CRABP1: variants seen among roughly 807,000 people sequenced by gnomAD.
CRABP1 encodes the protein cellular retinoic acid-binding protein 1.
CRABP1 carries 9 observed loss-of-function variants against 16.4 expected under a neutral mutation model. That is an observed-to-expected ratio of 0.55 (90% CI 0.33 to 0.96). The LOEUF is 0.96. Among genes scored for constraint, CRABP1 ranks in the 40% least tolerant of loss-of-function variants. The pLI, the probability that CRABP1 is intolerant of heterozygous loss-of-function variation, is 0.03. For missense variants in CRABP1, 157 were observed against 186.0 expected, an observed-to-expected ratio of 0.84 and a Z score of 0.91; for synonymous variants, 72 against 70.4, an observed-to-expected ratio of 1.02 and a Z score of -0.11.
At chr15:78,346,214 G>A (rs2050264398) in intron 3 of CRABP1, among the ~76,000 whole-genome samples, 1 of 152,176 alleles carries the variant, frequency 6.6e-6, no homozygotes, top group Admixed American at 6.5e-5. Flanking sequence ...TGGTTCTGAG[G>A]CGTCCAGACA....
In CRABP1 at chr15:78,348,085, G is replaced by A. The variant is rs373890664; in HGVS notation, c.*108G>A. On this transcript the variant is annotated 3_prime_UTR_variant, in exon 4 of 4. Transcript: ENST00000299529. ...CGCCCTTTTCCCCTACCAATATTAG[G>A]TGATCCCGTTTTCCCCATGACAATG... The A allele has an allele frequency of 8.5e-6, 9 of 1,055,554 alleles. No homozygotes were observed. The African/African-American group carries it at 1.4e-4, about 17-fold the overall frequency. The allele number at this position is 1,055,554 out of a possible 1,614,324, so 65.4% of individuals were successfully genotyped here.
Position 78,340,383 on chromosome 15 carries a change from C to G in CRABP1, c.-46C>G, listed in dbSNP as rs1489562639. ...CCGCCTTGCGAGCTCAGAGTGTGCC[C>G]GCTGCGCCGCCGCTGTCCGTACCTG... On this transcript the variant is annotated 5_prime_UTR_variant, in exon 1 of 4. Transcript: ENST00000299529. 6.4e-7 allele frequency: 1 copy of G among 1,556,562 alleles called. No homozygotes were observed. Among genetic ancestry groups the G allele is most frequent in the South Asian group, 1.2e-5 (1 of 84,670 alleles).
intron 3 of CRABP1, 177 bp from the exon 4 acceptor site, chr15:78,347,750 G>A: frequency 1.6e-6 from 1 of 614,196 alleles, no homozygotes; most frequent in South Asian, 2.1e-5. Flanking sequence ...TTTACCAATA[G>A]CGCTTAAGGG....
At chr15:78,346,110 T>C (rs1381286669) in intron 3 of CRABP1, among the ~76,000 whole-genome samples, 2 of 152,156 alleles carry the variant, frequency 1.3e-5, no homozygotes, top group African/African-American at 4.8e-5. Flanking sequence ...CTAGTGAGAA[T>C]AGTTTCTCCA....
At chr15:78,346,997 T>G (rs913583161) in intron 3 of CRABP1, among the ~76,000 whole-genome samples, 5 of 151,084 alleles carry the variant, frequency 3.3e-5, no homozygotes, top group African/African-American at 9.7e-5. Flanking sequence ...GTTTTTGTTT[T>G]TTTTTTTTTT....
intron 2 of CRABP1, among the ~76,000 whole-genome samples, 173 bp from the exon 3 acceptor site, chr15:78,343,326 A>C (rs1371594834): frequency 6.6e-6 from 1 of 152,070 alleles, no homozygotes; most frequent in African/African-American, 2.4e-5. Context: ...AAAATCTGTG[A>C]CCAGCACTCT....
At position 78,343,398 on chromosome 15, in the gene CRABP1, G is replaced by A. The variant is rs1001343942; in HGVS notation, c.250-101G>A. The A allele has an allele frequency of 1.3e-4, 120 of 911,436 alleles. No individual in the cohort carries two copies. The African/African-American group carries it at 1.9e-3, about 15-fold the overall frequency. 56.5% of individuals were successfully genotyped at this position (911,436 alleles called of 1,614,324 possible). A position where few individuals can be genotyped will look rare whatever the true frequency, so the allele number is the denominator to read the frequency against. ...TGTGGCCTGCTGACAGGGACCATGT[G>A]TTGATTCTCTGCAGAGCAATTATTT... On this transcript the variant is annotated intron_variant, in intron 2 of 3. Transcript: ENST00000299529.
At chr15:78,345,987 G>C (rs1044741904) in intron 3 of CRABP1, among the ~76,000 whole-genome samples, 1 of 152,092 alleles carries the variant, frequency 6.6e-6, no homozygotes, top group African/African-American at 2.4e-5. Flanking sequence ...AGTTTCTGTC[G>C]GGAACCTCTA....
Position 78,341,156 on chromosome 15 carries a change from A to G in CRABP1, c.184A>G (p.Thr62Ala). 2.5e-6 allele frequency: 4 copies of G among 1,612,948 alleles called. No homozygotes were observed. Among genetic ancestry groups the G allele is most frequent in the Non-Finnish European group, 3.4e-6 (4 of 1,179,578 alleles). The change falls in exon 2 of 4, where the codon ACT (threonine) becomes GCT (alanine). Residue 62 changes from threonine (T) to alanine (A), a missense_variant. Thr to Ala is a moderately conservative substitution (Grantham distance 58). Transcript: ENST00000299529. The surrounding 1 kb of genome is among the most constrained non-coding windows in gnomAD (Gnocchi z 5.3). ...CAAGACATCCACCACGGTGCGCACC[A>G]CTGAGATCAACTTCAAGGTCGGAGA... ...YIKTSTTVRT[T>A]EINFKVGEGF...
At chr15:78,347,814 T>C (rs1168800602) in intron 3 of CRABP1, 113 bp from the exon 4 acceptor site, 1 of 955,158 alleles carries the variant, frequency 1.0e-6, no homozygotes, top group East Asian at 2.4e-5. Flanking sequence ...AAATTGAATG[T>C]CTGTTACAAA....
chr15:78,342,376 T>TA (rs375860363), intron 2 of CRABP1, among the ~76,000 whole-genome samples: 96 of 147,350 alleles, frequency 6.5e-4, no homozygotes, highest in Admixed American at 1.3e-3. Flanking sequence ...AATTCTGATT[T>TA]AAAAAAAAAA....
chr15:78,340,399 T>TCCGTACCTGCCGCCGCCGC lies in CRABP1; in HGVS notation c.-28_-10dup, dbSNP rs2050225016. 6.4e-7 allele frequency: 1 copy of TCCGTACCTGCCGCCGCCGC among 1,571,730 alleles called. No homozygotes were observed. ...GAGTGTGCCCGCTGCGCCGCCGCTG[T>TCCGTACCTGCCGCCGCCGC]CCGTACCTGCCGCCGCCGCCACCGC... On this transcript the variant is annotated 5_prime_UTR_variant, in exon 1 of 4. Coordinates refer to ENST00000299529, the MANE Select transcript of CRABP1 (RefSeq NM_004378.3).
chr15:78,342,415 A>G (rs1173968727), intron 2 of CRABP1, among the ~76,000 whole-genome samples: 2 of 151,796 alleles, frequency 1.3e-5, no homozygotes, highest in Non-Finnish European at 2.9e-5. Context: ...CAGCCGGGAG[A>G]GTGGGGCTTT....
At chr15:78,347,195 C>T (rs1391653982) in intron 3 of CRABP1, among the ~76,000 whole-genome samples, 1 of 152,096 alleles carries the variant, frequency 6.6e-6, no homozygotes, top group Non-Finnish European at 1.5e-5. Context: ...AGCAAACAAA[C>T]TAAGAGCCAT....
At chr15:78,343,441 T>C in intron 2 of CRABP1, 58 bp from the exon 3 acceptor site, 1 of 1,333,614 alleles carries the variant, frequency 7.5e-7, no homozygotes, top group Non-Finnish European at 1.1e-6. Flanking sequence ...CTCATTGTTG[T>C]CCCTGCTCCC....
chr15:78,347,891 T>C (rs770960148), intron 3 of CRABP1, 36 bp from the exon 4 acceptor site: 1 of 1,611,672 alleles, frequency 6.2e-7, no homozygotes, highest in Non-Finnish European at 8.5e-7. Context: ...CACAGGCATC[T>C]GCACTGATTG....
Position 78,341,157 on chromosome 15 carries a change from C to T in CRABP1, c.185C>T (p.Thr62Ile). The change falls in exon 2 of 4, where the codon ACT becomes ATT. Residue 62 changes from threonine (T) to isoleucine (I), a missense_variant. Transcript: ENST00000299529. The surrounding 1 kb of genome is among the most constrained non-coding windows in gnomAD (Gnocchi z 5.3). ...YIKTSTTVRTTEINFKVGEGF... is the reference protein window; with the variant it reads ...YIKTSTTVRTIEINFKVGEGF... ...AAGACATCCACCACGGTGCGCACCA[C>T]TGAGATCAACTTCAAGGTCGGAGAA... The T allele has an allele frequency of 6.2e-7, 1 of 1,612,970 alleles. No individual in the cohort carries two copies. Among genetic ancestry groups the T allele is most frequent in the Non-Finnish European group, 8.5e-7 (1 of 1,179,590 alleles).
intron 3 of CRABP1, among the ~76,000 whole-genome samples, chr15:78,347,085 T>G (rs2050270466): frequency 6.6e-6 from 1 of 152,054 alleles, no homozygotes; most frequent in Non-Finnish European, 1.5e-5. Context: ...TTGCTAGTTT[T>G]GGGGGAAAGT....
chr15:78,344,803 G>C (rs1290868429), intron 3 of CRABP1, among the ~76,000 whole-genome samples: 2 of 151,052 alleles, frequency 1.3e-5, no homozygotes, highest in East Asian at 3.9e-4. Context: ...TGTAGTCTCA[G>C]CTACTCGGAG....
Sources: allele counts gnomAD v4.1 joint callset (sites outside exome capture counted in the v4.1 genomes callset), GRCh38; gene constraint gnomAD v4.1.1; non-coding constraint Gnocchi (gnomAD v3.1); transcripts MANE v1.5; gene names NCBI Gene and HGNC (gene_info 2026-07-23, HGNC 2026-07-21).